The following SLC35A1 variants were observed in gnomAD, a reference collection of about 807,000 sequenced individuals.
SLC35A1 encodes the protein solute carrier family 35 member A1, also known as CMP-sialic acid transporter.
Under a neutral mutation model 40.3 loss-of-function variants are expected in SLC35A1, and 21 were observed. The observed-to-expected ratio is 0.52, with a 90% confidence interval of 0.37 to 0.75. The LOEUF (loss-of-function observed/expected upper bound fraction) is 0.75, where lower values mean the gene tolerates loss of function less well. SLC35A1 is among the 30% of genes least tolerant of loss of function. The pLI is 0.00. For missense variants in SLC35A1, 297 were observed against 382.1 expected (o/e 0.78, Z 1.86); for synonymous variants, 146 against 147.3 (o/e 0.99, Z 0.06).
intron 6 of SLC35A1, among the ~76,000 whole-genome samples, 197 bp from the exon 7 acceptor site, chr6:87,508,844 G>C (rs1212774135): frequency 6.6e-6 from 1 of 151,656 alleles, no homozygotes; most frequent in Non-Finnish European, 1.5e-5. Context: ...ATAGCCCTCT[G>C]GGCATTGTTT....
intron 2 of SLC35A1, among the ~76,000 whole-genome samples, chr6:87,494,369 G>A (rs115212465): frequency 6.4e-4 from 97 of 151,788 alleles, no homozygotes; most frequent in African/African-American, 2.3e-3. Flanking sequence ...ATTAGCAGTT[G>A]GATATTGCGA....
At chr6:87,480,613 G>T (rs1233779530) in intron 2 of SLC35A1, among the ~76,000 whole-genome samples, 1 of 152,180 alleles carries the variant, frequency 6.6e-6, no homozygotes, top group Non-Finnish European at 1.5e-5. Context: ...AGGAGGTAGA[G>T]CAGGGAGAAC....
chr6:87,498,929 G>T (rs1421958226), intron 2 of SLC35A1, among the ~76,000 whole-genome samples: 1 of 152,172 alleles, frequency 6.6e-6, no homozygotes, highest in Non-Finnish European at 1.5e-5. Flanking sequence ...GAAAATCTGT[G>T]GTATTTTTGG....
intron 2 of SLC35A1, among the ~76,000 whole-genome samples, chr6:87,491,157 T>C (rs915394216): frequency 6.6e-6 from 1 of 152,232 alleles, no homozygotes; most frequent in Non-Finnish European, 1.5e-5. Flanking sequence ...TTTAGGATTC[T>C]GAAATATTTG....
chr6:87,496,517 C>T (rs1029564485), intron 2 of SLC35A1, among the ~76,000 whole-genome samples: 14 of 152,074 alleles, frequency 9.2e-5, no homozygotes, highest in African/African-American at 2.4e-4. Context: ...TGGTGGCTTA[C>T]GCCTGTAATC....
At chr6:87,508,330 T>C (rs1582197097) in intron 5 of SLC35A1, 90 bp from the exon 6 acceptor site, 4 of 852,770 alleles carry the variant, frequency 4.7e-6, no homozygotes, top group South Asian at 1.6e-5. Context: ...TCATATACTT[T>C]ATATATCTCT....
Position 87,511,604 on chromosome 6 carries a change from A to G in SLC35A1, c.*78A>G, listed in dbSNP as rs1338816046. 82 of 1,481,748 alleles carry G rather than the reference A, an allele frequency of 5.5e-5. 1 individual carries two copies. The highest frequency in any genetic ancestry group is 7.7e-5 in the Non-Finnish European group (82 of 1,060,480). 91.8% of individuals were successfully genotyped at this position (1,481,748 alleles called of 1,614,324 possible). On this transcript the variant is annotated 3_prime_UTR_variant, in exon 8 of 8. Transcript: ENST00000369552. Reference sequence around the variant, plus strand: ...GAGCCTTAAGTCAATCTCAGAAGGTAGCATAAACAAATAAAAATTAACTGT... The same window carrying G: ...GAGCCTTAAGTCAATCTCAGAAGGTGGCATAAACAAATAAAAATTAACTGT...
intron 2 of SLC35A1, among the ~76,000 whole-genome samples, chr6:87,479,691 C>G (rs1178787750): frequency 6.6e-6 from 1 of 152,218 alleles, no homozygotes; most frequent in East Asian, 1.9e-4. Context: ...GGCAGTTAGT[C>G]CCTAATTGCT....
At chr6:87,493,312 T>C (rs1048543165) in intron 2 of SLC35A1, among the ~76,000 whole-genome samples, 61 of 152,310 alleles carry the variant, frequency 4.0e-4, no homozygotes, top group Admixed American at 1.3e-3. Flanking sequence ...AAGGATCCTT[T>C]ATTCCTTTTT....
intron 1 of SLC35A1, among the ~76,000 whole-genome samples, chr6:87,475,541 A>G (rs1298999894): frequency 5.3e-5 from 8 of 152,294 alleles, no homozygotes; most frequent in South Asian, 2.1e-4. Context: ...GCAGTTAAAA[A>G]CTATTTCTTC....
chr6:87,489,399 A>G (rs1769477606), intron 2 of SLC35A1, among the ~76,000 whole-genome samples: 1 of 152,130 alleles, frequency 6.6e-6, no homozygotes, highest in African/African-American at 2.4e-5. Context: ...TTATAAAGCC[A>G]GGATGCTCCT....
rs1374084483 is a variant in SLC35A1 at position 87,508,293 on chromosome 6, TAAGTA to T, written c.575-121_575-117del. On this transcript the variant is annotated intron_variant, in intron 5 of 7. Coordinates refer to ENST00000369552, the MANE Select transcript of SLC35A1 (RefSeq NM_006416.5). ...ACAACCTACATAATAAATGCACATT[TAAGTA>T]AAGTATGTTTTGTTCCCCAAATCAT... The T allele has an allele frequency of 1.1e-5, 7 of 655,538 alleles. No individual in the cohort carries two copies. In the Admixed American group the frequency reaches 1.1e-4, roughly 10 times the overall value. 40.6% of individuals were successfully genotyped at this position (655,538 alleles called of 1,614,324 possible).
At chr6:87,508,921 A>G in intron 6 of SLC35A1, 120 bp from the exon 7 acceptor site, 1 of 1,106,702 alleles carries the variant, frequency 9.0e-7, no homozygotes, top group South Asian at 1.3e-5. Flanking sequence ...CCTTCTAAGG[A>G]AAACAGTATT....
At chr6:87,504,165 C>T (rs1182549136) in intron 4 of SLC35A1, among the ~76,000 whole-genome samples, 1 of 151,812 alleles carries the variant, frequency 6.6e-6, no homozygotes, top group Non-Finnish European at 1.5e-5. Context: ...GTGATGCATG[C>T]CTGTAGTCCC....
chr6:87,511,558 T>C lies in SLC35A1; in HGVS notation c.*32T>C. On this transcript the variant is annotated 3_prime_UTR_variant, in exon 8 of 8. Transcript: ENST00000369552. ...CCTCACGTGAGACTCCTTTTAAGAC[T>C]AAACCATTTGCATTAAACTAGAGCC... is the stretch of plus-strand genomic sequence containing the variant. 6.2e-7 allele frequency: 1 copy of C among 1,610,396 alleles called. No individual in the cohort carries two copies. Among genetic ancestry groups the C allele is most frequent in the Non-Finnish European group, 8.5e-7 (1 of 1,176,764 alleles).
At position 87,477,468 on chromosome 6, in the gene SLC35A1, C is replaced by G; in HGVS notation, c.123C>G (p.Leu41=). 6.2e-7 allele frequency: 1 copy of G among 1,614,082 alleles called. No individual in the cohort carries two copies. The highest frequency in any genetic ancestry group is 1.1e-5 in the South Asian group (1 of 91,076). The part of the protein sequence containing the change: ...LRYTRTSDKE[L]YFSTTAVCIT... ...ACACAAGGACATCAGACAAAGAACT[C>G]TACTTTTCAACCACAGCCGTGTGTA... The change falls in exon 2 of 8, where the codon CTC becomes CTG. Residue 41 remains leucine, a synonymous_variant. Transcript: ENST00000369552.
intron 2 of SLC35A1, among the ~76,000 whole-genome samples, chr6:87,495,171 G>C (rs1562022911): frequency 6.6e-6 from 1 of 152,228 alleles, no homozygotes; most frequent in Admixed American, 6.5e-5. Flanking sequence ...TGTTGTCCAG[G>C]CTGGTCTCAA....
At chr6:87,484,479 ATGCACGTGGCCCC>A (rs1161509926) in intron 2 of SLC35A1, among the ~76,000 whole-genome samples, 6 of 152,176 alleles carry the variant, frequency 3.9e-5, no homozygotes, top group African/African-American at 1.4e-4. Context: ...CTTATTCCTG[ATGCACGTGGCCCC>A]TGCTGCTGTG....
At chr6:87,484,534 C>T (rs1168732645) in intron 2 of SLC35A1, among the ~76,000 whole-genome samples, 1 of 152,058 alleles carries the variant, frequency 6.6e-6, no homozygotes. Context: ...TTAGACCGCA[C>T]AGGCTAAACT....
Sources: gnomAD v4.1 joint callset for allele counts (sites outside exome capture counted in the v4.1 genomes callset) on GRCh38, gnomAD v4.1.1 for gene constraint, MANE v1.5 for transcripts, NCBI Gene and HGNC (gene_info 2026-07-23, HGNC 2026-07-21) for gene names.